Variants in PEX14 observed in about 807,000 individuals in gnomAD.
PEX14 encodes the protein peroxisomal biogenesis factor 14.
In PEX14, 15 loss-of-function variants were observed where a neutral mutation model predicts 49.5. That is an observed-to-expected ratio of 0.30 (90% CI 0.20 to 0.47). The LOEUF is 0.47. Ranked by LOEUF, PEX14 falls within the 20% of genes least tolerant of loss-of-function variation. PEX14 has a pLI of 1.00. For synonymous variants in PEX14, 210 were observed against 212.7 expected (o/e 0.99, Z 0.11); for missense variants, 398 against 494.8 (o/e 0.80, Z 1.86).
At chr1:10,618,000 CCTGAGGTAGAGACCATG>C (rs1641477120) in intron 4 of PEX14, among the ~76,000 whole-genome samples, 1 of 152,190 alleles carries the variant, frequency 6.6e-6, no homozygotes, top group African/African-American at 2.4e-5. Flanking sequence ...ATCTTTTGTT[CCTGAGGTAGAGACCATG>C]CTGTTGGTCT....
chr1:10,609,307 T>C (rs192411753), intron 4 of PEX14, among the ~76,000 whole-genome samples: 3 of 152,360 alleles, frequency 2.0e-5, no homozygotes, highest in Admixed American at 6.5e-5. Context: ...GTGGTAGTTT[T>C]ATGTTTCTGG....
chr1:10,545,037 A>ACC (rs1169273725), intron 3 of PEX14, among the ~76,000 whole-genome samples: 1 of 152,220 alleles, frequency 6.6e-6, no homozygotes, highest in East Asian at 1.9e-4. Flanking sequence ...TGCTGGGATT[A>ACC]CAGGTGCAAA....
intron 3 of PEX14, among the ~76,000 whole-genome samples, chr1:10,584,348 A>G (rs918151456): frequency 6.6e-6 from 1 of 152,186 alleles, no homozygotes; most frequent in African/African-American, 2.4e-5. Context: ...GGGCAGAGGG[A>G]TATTATGAAT....
chr1:10,508,513 T>C (rs906014750), intron 2 of PEX14, among the ~76,000 whole-genome samples: 3 of 152,060 alleles, frequency 2.0e-5, no homozygotes, highest in South Asian at 2.1e-4. Flanking sequence ...GATTTTTAGA[T>C]TGGGGGCCCA....
intron 2 of PEX14, among the ~76,000 whole-genome samples, chr1:10,533,511 A>G (rs547645963): frequency 6.6e-6 from 1 of 152,218 alleles, no homozygotes; most frequent in South Asian, 2.1e-4. Flanking sequence ...GGTGTTTTCT[A>G]CTTTACCTGA....
At chr1:10,578,000 C>CA (rs963227902) in intron 3 of PEX14, among the ~76,000 whole-genome samples, 2 of 151,892 alleles carry the variant, frequency 1.3e-5, no homozygotes, top group Non-Finnish European at 2.9e-5. Context: ...AGGTATTCCC[C>CA]AATCCATCAG....
At chr1:10,536,802 TA>T (rs1273113101) in intron 3 of PEX14, among the ~76,000 whole-genome samples, 3 of 152,212 alleles carry the variant, frequency 2.0e-5, no homozygotes, top group Non-Finnish European at 4.4e-5. Context: ...GGTATTTCTG[TA>T]AACAGGGATA....
intron 4 of PEX14, among the ~76,000 whole-genome samples, chr1:10,607,051 A>G (rs1487171681): frequency 1.3e-5 from 2 of 152,188 alleles, no homozygotes; most frequent in Admixed American, 1.3e-4. Flanking sequence ...GCTTGAGGGC[A>G]ACCACTGATC....
At chr1:10,622,812 G>A (rs1411949197) in intron 5 of PEX14, among the ~76,000 whole-genome samples, 2 of 152,206 alleles carry the variant, frequency 1.3e-5, no homozygotes, top group African/African-American at 4.8e-5. Context: ...TTCCCTCCTG[G>A]TCCTTGTCCT....
Position 10,629,696 on chromosome 1 carries a change from C to T in PEX14, c.843C>T (p.His281=), listed in dbSNP as rs760364941. 5 of 1,612,348 alleles carry T rather than the reference C, an allele frequency of 3.1e-6. No homozygotes were observed. The highest frequency in any genetic ancestry group is 1.3e-5 in the African/African-American group (1 of 74,822). ...CGTCCTCGCCTGGGAAGGAGGGCCA[C>T]AGCCCCGAGGGCTCCACGGTCACCT... ...STSSSPGKEG[H]SPEGSTVTYH... Residue 281 remains histidine (H), a synonymous_variant, in exon 9 of 9, where the codon CAC becomes CAT. Transcript: ENST00000356607. The surrounding 1 kb of genome is among the most constrained non-coding windows in gnomAD (Gnocchi z 8.5).
intron 4 of PEX14, among the ~76,000 whole-genome samples, chr1:10,609,868 G>A (rs779483961): frequency 5.9e-5 from 9 of 151,944 alleles, no homozygotes; most frequent in Admixed American, 1.3e-4. Context: ...CTGGGTGACC[G>A]AACGAAGCTC....
At chr1:10,618,270 G>A in intron 4 of PEX14, 62 bp from the exon 5 acceptor site, 1 of 1,326,804 alleles carries the variant, frequency 7.5e-7, no homozygotes, top group Non-Finnish European at 1.1e-6. Flanking sequence ...ACCTGTGCCA[G>A]CCCCCACCCG....
chr1:10,530,031 C>G (rs140792342), intron 2 of PEX14, among the ~76,000 whole-genome samples: 16 of 152,284 alleles, frequency 1.1e-4, no homozygotes, highest in African/African-American at 3.9e-4. Flanking sequence ...TACCTGAGTA[C>G]AACTCACTGT....
intron 3 of PEX14, among the ~76,000 whole-genome samples, chr1:10,563,744 C>G (rs1639721785): frequency 1.3e-5 from 2 of 151,988 alleles, no homozygotes; most frequent in South Asian, 2.1e-4. Context: ...AACCCCGTCT[C>G]TACTAAAAAT....
intron 3 of PEX14, among the ~76,000 whole-genome samples, chr1:10,580,049 T>C (rs1210103054): frequency 6.6e-6 from 1 of 152,062 alleles, no homozygotes; most frequent in African/African-American, 2.4e-5. Context: ...GAATGTTAAA[T>C]ACATAGGAAA....
intron 3 of PEX14, among the ~76,000 whole-genome samples, chr1:10,584,809 G>A (rs1640431683): frequency 6.6e-6 from 1 of 152,172 alleles, no homozygotes; most frequent in South Asian, 2.1e-4. Flanking sequence ...CAGGCAGAGA[G>A]AAAATGATCT....
At chr1:10,615,530 G>T (rs1390968827) in intron 4 of PEX14, among the ~76,000 whole-genome samples, 3 of 152,252 alleles carry the variant, frequency 2.0e-5, no homozygotes, top group Non-Finnish European at 2.9e-5. Context: ...CAGCCGTGGG[G>T]AAGCAGGCAT....
intron 2 of PEX14, among the ~76,000 whole-genome samples, chr1:10,518,910 C>T (rs193257045): frequency 2.1e-4 from 32 of 152,144 alleles, no homozygotes; most frequent in Non-Finnish European, 3.5e-4. Context: ...GTGTGAAGGT[C>T]GTTATGTCCG....
At chr1:10,581,061 T>C (rs1008062345) in intron 3 of PEX14, among the ~76,000 whole-genome samples, 5 of 152,130 alleles carry the variant, frequency 3.3e-5, no homozygotes, top group Admixed American at 3.3e-4. Context: ...ATAAGTGTCC[T>C]ATTGATATGA....
Sources: allele counts gnomAD v4.1 joint callset (sites outside exome capture counted in the v4.1 genomes callset), GRCh38; gene constraint gnomAD v4.1.1; non-coding constraint Gnocchi (gnomAD v3.1); transcripts MANE v1.5; gene names NCBI Gene and HGNC (gene_info 2026-07-23, HGNC 2026-07-21).